Variants in FBXL7 observed in about 807,000 individuals in gnomAD.
FBXL7 encodes the protein F-box and leucine rich repeat protein 7.
Under a neutral mutation model 38.3 loss-of-function variants are expected in FBXL7, and 12 were observed. That is an observed-to-expected ratio of 0.31 (90% CI 0.20 to 0.51). The LOEUF (loss-of-function observed/expected upper bound fraction) is 0.51, where lower values mean the gene tolerates loss of function less well. FBXL7 is among the 20% of genes least tolerant of loss of function. FBXL7 has a pLI of 0.98. For missense variants in FBXL7, 567 were observed against 676.4 expected (o/e 0.84, Z 1.79); for synonymous variants, 297 against 300.9 (o/e 0.99, Z 0.13).
At chr5:15,712,654 T>C (rs1432640751) in intron 2 of FBXL7, among the ~76,000 whole-genome samples, 1 of 151,826 alleles carries the variant, frequency 6.6e-6, no homozygotes, top group East Asian at 1.9e-4. Flanking sequence ...AGAGATCATG[T>C]ACTGCTAGCT....
intron 2 of FBXL7, among the ~76,000 whole-genome samples, chr5:15,811,734 A>G (rs1737866549): frequency 6.6e-6 from 1 of 152,234 alleles, no homozygotes; most frequent in African/African-American, 2.4e-5. Flanking sequence ...AACTTGAAAA[A>G]AAAGCTGATC....
At position 15,518,483 on chromosome 5, in the gene FBXL7, T is replaced by C. The variant is rs539198083; in HGVS notation, c.37+17770T>C. ...AATGGGAGGTAGGAAAGGCAGCTCATGGAGAGCAGGAGAACGTTTGAATTG... is the reference window on the plus strand; with the variant it reads ...AATGGGAGGTAGGAAAGGCAGCTCACGGAGAGCAGGAGAACGTTTGAATTG... On this transcript the variant is annotated intron_variant, in intron 1 of 3. Transcript: ENST00000504595. Among the ~76,000 whole-genome samples, 4 of 152,270 alleles carry C rather than the reference T, an allele frequency of 2.6e-5. No individual in the cohort carries two copies. In the East Asian group the frequency reaches 7.7e-4, roughly 29 times the overall value.
chr5:15,679,387 A>G (rs1007988757), intron 2 of FBXL7, among the ~76,000 whole-genome samples: 1 of 152,164 alleles, frequency 6.6e-6, no homozygotes, highest in East Asian at 1.9e-4. Flanking sequence ...TTCCAGCTGC[A>G]ATGCTTCTTG....
intron 2 of FBXL7, among the ~76,000 whole-genome samples, chr5:15,725,505 A>C (rs1026410251): frequency 3.3e-5 from 5 of 152,328 alleles, no homozygotes; most frequent in African/African-American, 1.2e-4. Context: ...CAGAAGACAT[A>C]CTTTGTATGA....
chr5:15,800,960 A>G (rs569084726), intron 2 of FBXL7, among the ~76,000 whole-genome samples: 191 of 152,298 alleles, frequency 1.3e-3, no homozygotes, highest in Non-Finnish European at 2.1e-3. Flanking sequence ...AATAGGGTTC[A>G]TGTGGAAGTT....
chr5:15,738,267 A>T (rs893348968), intron 2 of FBXL7, among the ~76,000 whole-genome samples: 1 of 152,228 alleles, frequency 6.6e-6, no homozygotes, highest in Admixed American at 6.5e-5. Context: ...AGAAGTGCTT[A>T]TGATGAGAAG....
chr5:15,768,147 ATGT>A (rs1218468886), intron 2 of FBXL7, among the ~76,000 whole-genome samples: 2 of 152,156 alleles, frequency 1.3e-5, no homozygotes, highest in Non-Finnish European at 2.9e-5. Flanking sequence ...CGTTCAAGTG[ATGT>A]TGTTTTTTCC....
At chr5:15,894,962 T>C (rs1238435802) in intron 2 of FBXL7, among the ~76,000 whole-genome samples, 1 of 152,206 alleles carries the variant, frequency 6.6e-6, no homozygotes, top group East Asian at 1.9e-4. Context: ...AACAGTTTAA[T>C]GGTTTTAAGA....
chr5:15,756,156 T>G (rs1736291279), intron 2 of FBXL7, among the ~76,000 whole-genome samples: 1 of 152,164 alleles, frequency 6.6e-6, no homozygotes, highest in African/African-American at 2.4e-5. Flanking sequence ...ATCTAAAAAA[T>G]TTTCCCAAGA....
intron 2 of FBXL7, among the ~76,000 whole-genome samples, chr5:15,856,731 T>A (rs184769975): frequency 5.9e-5 from 9 of 152,164 alleles, no homozygotes; most frequent in Admixed American, 5.9e-4. Context: ...TTTCCTTCCT[T>A]CCTTCCTTCC....
At chr5:15,931,597 C>T (rs1039375401) in intron 3 of FBXL7, among the ~76,000 whole-genome samples, 2 of 152,296 alleles carry the variant, frequency 1.3e-5, no homozygotes. Flanking sequence ...CCAATAATTG[C>T]TCCCTATGAC....
At chr5:15,930,087 T>TG (rs1741999475) in intron 3 of FBXL7, among the ~76,000 whole-genome samples, 1 of 152,212 alleles carries the variant, frequency 6.6e-6, no homozygotes, top group Non-Finnish European at 1.5e-5. Flanking sequence ...GGAGAGCAGC[T>TG]CGCTGCTCCT....
chr5:15,853,574 G>A (rs567187321), intron 2 of FBXL7, among the ~76,000 whole-genome samples: 8 of 152,210 alleles, frequency 5.3e-5, no homozygotes, highest in South Asian at 4.1e-4. Context: ...TGTTCAATGC[G>A]GAGTAACTGG....
chr5:15,659,755 A>G (rs1383048470), intron 2 of FBXL7, among the ~76,000 whole-genome samples: 1 of 152,158 alleles, frequency 6.6e-6, no homozygotes, highest in African/African-American at 2.4e-5. Context: ...GCTTTAAAGT[A>G]TTTTCTAGAT....
At chr5:15,546,414 A>G (rs1737892075) in intron 1 of FBXL7, among the ~76,000 whole-genome samples, 1 of 151,938 alleles carries the variant, frequency 6.6e-6, no homozygotes, top group Non-Finnish European at 1.5e-5. Flanking sequence ...TAAAAATACA[A>G]AAGTCAGCCA....
intron 2 of FBXL7, among the ~76,000 whole-genome samples, chr5:15,836,710 T>G (rs1215991467): frequency 6.6e-6 from 1 of 152,188 alleles, no homozygotes; most frequent in Non-Finnish European, 1.5e-5. Flanking sequence ...GAATGTGTGA[T>G]GCAGTATGCC....
At chr5:15,505,230 C>T (rs982722171) in intron 1 of FBXL7, among the ~76,000 whole-genome samples, 6 of 152,164 alleles carry the variant, frequency 3.9e-5, no homozygotes, top group African/African-American at 4.8e-5. Context: ...CATGCAGCGA[C>T]CCACTTCATC....
At chr5:15,676,602 C>A (rs1342432341) in intron 2 of FBXL7, among the ~76,000 whole-genome samples, 2 of 152,152 alleles carry the variant, frequency 1.3e-5, no homozygotes, top group Admixed American at 6.5e-5. Flanking sequence ...GGATTCCCAC[C>A]CAGTTAAATG....
At chr5:15,835,273 C>A (rs1177687162) in intron 2 of FBXL7, among the ~76,000 whole-genome samples, 1 of 152,074 alleles carries the variant, frequency 6.6e-6, no homozygotes, top group Non-Finnish European at 1.5e-5. Context: ...AACTCCATTT[C>A]TTATGGCATT....
Sources: gnomAD v4.1 joint callset for allele counts (sites outside exome capture counted in the v4.1 genomes callset) on GRCh38, gnomAD v4.1.1 for gene constraint, MANE v1.5 for transcripts, NCBI Gene and HGNC (gene_info 2026-07-23, HGNC 2026-07-21) for gene names.